Variants in FHIP1A observed in about 807,000 individuals in gnomAD.
FHIP1A encodes the protein FHF complex subunit HOOK-interacting protein 1A.
A neutral mutation model predicts 88.6 loss-of-function variants in FHIP1A; 61 were observed. That is an observed-to-expected ratio of 0.69 (90% CI 0.56 to 0.85). The LOEUF is 0.85. Ranked by LOEUF, FHIP1A falls within the 40% of genes least tolerant of loss-of-function variation. FHIP1A has a pLI of 0.00. For missense variants in FHIP1A, 1,154 were observed against 1,273.5 expected (o/e 0.91, Z 1.43); for synonymous variants, 478 against 496.0 (o/e 0.96, Z 0.48).
chr4:151,459,377 C>T (rs1407794649), intron 2 of FHIP1A, among the ~76,000 whole-genome samples: 3 of 152,140 alleles, frequency 2.0e-5, no homozygotes, highest in Non-Finnish European at 4.4e-5. Flanking sequence ...AAACCTAATA[C>T]GTCTCAAAGT....
chr4:151,453,908 A>C (rs1000482401), intron 1 of FHIP1A, among the ~76,000 whole-genome samples: 7 of 152,018 alleles, frequency 4.6e-5, no homozygotes, highest in Non-Finnish European at 1.0e-4. Context: ...CAAAACAAAA[A>C]CACCAAAAAC....
At chr4:151,439,642 A>G (rs1224959291) in intron 1 of FHIP1A, among the ~76,000 whole-genome samples, 2 of 152,164 alleles carry the variant, frequency 1.3e-5, no homozygotes, top group African/African-American at 4.8e-5. Context: ...GTAAGATGAC[A>G]GTTCCAAGTT....
chr4:151,456,442 C>A (rs115685414), intron 2 of FHIP1A, among the ~76,000 whole-genome samples: 1 of 152,018 alleles, frequency 6.6e-6, no homozygotes, highest in South Asian at 2.1e-4. Flanking sequence ...TTAAACCTCT[C>A]GGAAGATGAA....
At chr4:151,621,350 T>C (rs1735735934) in intron 7 of FHIP1A, among the ~76,000 whole-genome samples, 1 of 151,574 alleles carries the variant, frequency 6.6e-6, no homozygotes, top group South Asian at 2.1e-4. Flanking sequence ...GGCAGATATG[T>C]GTGTGTTTTC....
intron 1 of FHIP1A, among the ~76,000 whole-genome samples, chr4:151,418,327 C>A (rs943349327): frequency 2.6e-5 from 4 of 152,042 alleles, no homozygotes; most frequent in African/African-American, 9.7e-5. Context: ...TAAGTTTGAC[C>A]TCTGAATTTT....
intron 9 of FHIP1A, among the ~76,000 whole-genome samples, chr4:151,639,906 G>A (rs182583772): frequency 5.8e-4 from 88 of 152,308 alleles, no homozygotes; most frequent in Middle Eastern, 6.8e-3. Flanking sequence ...TGAGAGTGGG[G>A]GAAGAGGGAG....
chr4:151,453,742 T>C (rs1217435164), intron 1 of FHIP1A, among the ~76,000 whole-genome samples: 6 of 152,108 alleles, frequency 3.9e-5, no homozygotes, highest in Non-Finnish European at 7.4e-5. Context: ...CTGGGGAGGC[T>C]GAGGCAGGAG....
intron 7 of FHIP1A, among the ~76,000 whole-genome samples, chr4:151,598,439 A>G (rs1282528889): frequency 4.6e-5 from 7 of 152,120 alleles, no homozygotes; most frequent in Admixed American, 4.6e-4. Flanking sequence ...TTCTGCATTG[A>G]TCTTGCTGGG....
Position 151,662,658 on chromosome 4 carries a change from C to A in FHIP1A, c.3027C>A (p.Leu1009=). ...GGAACCCCATGCTGGCTGCTGCCCT[C>A]TTCCCAGAGTTCCTGAAGGAGCTGG... The part of the protein sequence containing the change: ...PVRNPMLAAA[L]FPEFLKELAA... The change falls in exon 14 of 14, where the codon CTC becomes CTA. Residue 1009 remains leucine, a synonymous_variant. Transcript: ENST00000435205. 2 of 1,551,590 alleles carry A rather than the reference C, an allele frequency of 1.3e-6. No individual in the cohort carries two copies. Among genetic ancestry groups the A allele is most frequent in the Non-Finnish European group, 1.7e-6 (2 of 1,146,968 alleles).
At chr4:151,639,408 C>T (rs574633450) in intron 9 of FHIP1A, among the ~76,000 whole-genome samples, 1 of 152,276 alleles carries the variant, frequency 6.6e-6, no homozygotes, top group South Asian at 2.1e-4. Context: ...TAATAGGGGA[C>T]TCAGGAACAC....
chr4:151,539,752 C>T (rs1732209170), intron 3 of FHIP1A, among the ~76,000 whole-genome samples: 1 of 152,034 alleles, frequency 6.6e-6, no homozygotes, highest in African/African-American at 2.4e-5. Flanking sequence ...CCTCCCACTG[C>T]TGAGTTGTGT....
chr4:151,566,625 C>G (rs1733398764), intron 4 of FHIP1A, among the ~76,000 whole-genome samples: 1 of 152,162 alleles, frequency 6.6e-6, no homozygotes, highest in African/African-American at 2.4e-5. Flanking sequence ...AGCAGTTGTT[C>G]TTTAAAGTGA....
intron 1 of FHIP1A, among the ~76,000 whole-genome samples, chr4:151,414,208 G>A (rs1732796228): frequency 6.6e-6 from 1 of 151,930 alleles, no homozygotes; most frequent in African/African-American, 2.4e-5. Flanking sequence ...GCGCCACCAT[G>A]CCCGGCTAAG....
At chr4:151,561,362 G>C (rs1313771819) in intron 3 of FHIP1A, among the ~76,000 whole-genome samples, 1 of 152,170 alleles carries the variant, frequency 6.6e-6, no homozygotes, top group Non-Finnish European at 1.5e-5. Context: ...TTAGATGCTT[G>C]CTTTATTTTT....
chr4:151,654,395 T>C (rs556481635), intron 11 of FHIP1A, among the ~76,000 whole-genome samples: 36 of 152,108 alleles, frequency 2.4e-4, no homozygotes, highest in African/African-American at 8.2e-4. Context: ...GTCAGCAGTT[T>C]AGAGTTTGTA....
chr4:151,578,182 T>C, intron 5 of FHIP1A, 106 bp downstream of exon 5: 4 of 1,026,768 alleles, frequency 3.9e-6, no homozygotes, highest in Non-Finnish European at 5.6e-6. Flanking sequence ...TAAGTTGTAC[T>C]TGGCACTTCC....
intron 3 of FHIP1A, among the ~76,000 whole-genome samples, chr4:151,557,895 T>C (rs1440904262): frequency 6.6e-6 from 1 of 152,220 alleles, no homozygotes; most frequent in Non-Finnish European, 1.5e-5. Flanking sequence ...ATTATTTACA[T>C]CTGTATGCTG....
At chr4:151,587,164 A>G (rs1578786409) in intron 6 of FHIP1A, among the ~76,000 whole-genome samples, 1 of 152,336 alleles carries the variant, frequency 6.6e-6, no homozygotes, top group East Asian at 1.9e-4. Context: ...GGGAATTTAC[A>G]AAGGAGAACA....
At chr4:151,445,455 A>C (rs1400621458) in intron 1 of FHIP1A, among the ~76,000 whole-genome samples, 2 of 152,102 alleles carry the variant, frequency 1.3e-5, no homozygotes, top group African/African-American at 4.8e-5. Flanking sequence ...TAGCCCCAGC[A>C]AGGTGGAGTG....
Sources: allele counts gnomAD v4.1 joint callset (sites outside exome capture counted in the v4.1 genomes callset), GRCh38; gene constraint gnomAD v4.1.1; transcripts MANE v1.5; gene names NCBI Gene and HGNC (gene_info 2026-07-23, HGNC 2026-07-21).